The following LRRTM4 variants were observed in gnomAD, a reference collection of about 807,000 sequenced individuals.
The protein encoded by LRRTM4 is leucine-rich repeat transmembrane neuronal protein 4.
A neutral mutation model predicts 47.6 loss-of-function variants in LRRTM4; 25 were observed. The observed-to-expected ratio is 0.53, with a 90% CI of 0.38 to 0.73. The LOEUF (loss-of-function observed/expected upper bound fraction) is 0.73, where lower values mean the gene tolerates loss of function less well. Among genes scored for constraint, LRRTM4 ranks in the 30% least tolerant of loss-of-function variants. The pLI is 0.00. For missense variants in LRRTM4, 638 were observed against 713.4 expected (o/e 0.89, Z 1.20); for synonymous variants, 311 against 269.5 (o/e 1.15, Z -1.51).
intron 3 of LRRTM4, among the ~76,000 whole-genome samples, chr2:76,882,426 T>C (rs1057387045): frequency 1.3e-5 from 2 of 152,016 alleles, no homozygotes; most frequent in Non-Finnish European, 2.9e-5. Context: ...GCACGGTGGC[T>C]CACATCTGTA....
chr2:76,927,356 G>T (rs1674620288), intron 3 of LRRTM4, among the ~76,000 whole-genome samples: 1 of 152,080 alleles, frequency 6.6e-6, no homozygotes, highest in Non-Finnish European at 1.5e-5. Context: ...GGATTAAAAA[G>T]CCTCTAAAGG....
chr2:77,351,826 T>G (rs1016166734), intron 3 of LRRTM4, among the ~76,000 whole-genome samples: 1 of 151,964 alleles, frequency 6.6e-6, no homozygotes, highest in African/African-American at 2.4e-5. Flanking sequence ...CAAACATTTT[T>G]TTCCTGTGTG....
In LRRTM4 at chr2:77,519,245, C is replaced by G. The variant is rs1679374221; in HGVS notation, c.624G>C (p.Lys208Asn). The stretch of plus-strand genomic sequence containing the variant: ...ACTGGTTGTGCTCCAGGTGGAGCTC[C>G]TTTAACTTCAAGAGGCCAGCAAATG... ...RNAFAGLLKL[K>N]ELHLEHNQFS... The change falls in exon 3 of 4, where the codon AAG (lysine) becomes AAC (asparagine). Residue 208 changes from lysine (K) to asparagine (N), a missense_variant. Coordinates refer to ENST00000409884, the MANE Select transcript of LRRTM4 (RefSeq NM_001134745.3). The surrounding 1 kb of genome is among the most constrained non-coding windows in gnomAD (Gnocchi z 4.6). 9 of 1,613,308 alleles carry G rather than the reference C, an allele frequency of 5.6e-6. No homozygotes were observed. In the East Asian group the frequency reaches 2.0e-4, roughly 36 times the overall value.
chr2:76,870,471 AC>A (rs377711722), intron 3 of LRRTM4, among the ~76,000 whole-genome samples: 3 of 152,236 alleles, frequency 2.0e-5, no homozygotes, highest in East Asian at 1.9e-4. Context: ...AGGAAAAAAA[AC>A]CACATTTTTT....
chr2:77,315,734 T>C (rs1232606167), intron 3 of LRRTM4, among the ~76,000 whole-genome samples: 1 of 152,106 alleles, frequency 6.6e-6, no homozygotes, highest in East Asian at 1.9e-4. Context: ...TTTTAAAGCC[T>C]CTTGCCAGTT....
At chr2:76,927,632 C>A (rs1353826059) in intron 3 of LRRTM4, among the ~76,000 whole-genome samples, 1 of 152,028 alleles carries the variant, frequency 6.6e-6, no homozygotes, top group Non-Finnish European at 1.5e-5. Context: ...CTCTTGCAGC[C>A]AATGGAATCC....
chr2:77,173,401 T>C (rs1673108649), intron 3 of LRRTM4, among the ~76,000 whole-genome samples: 1 of 152,186 alleles, frequency 6.6e-6, no homozygotes. Flanking sequence ...TCATAGGATC[T>C]GACTCTCATT....
At chr2:76,809,518 A>G (rs1023311740) in intron 3 of LRRTM4, among the ~76,000 whole-genome samples, 4 of 152,140 alleles carry the variant, frequency 2.6e-5, no homozygotes, top group Admixed American at 1.3e-4. Flanking sequence ...TGTAACCTAC[A>G]TACTTCCTAC....
intron 3 of LRRTM4, among the ~76,000 whole-genome samples, chr2:76,847,569 T>G (rs1486112945): frequency 6.6e-6 from 1 of 152,026 alleles, no homozygotes; most frequent in Non-Finnish European, 1.5e-5. Context: ...AACACTTATT[T>G]TAGTTTTTCT....
chr2:77,035,469 C>A (rs1341959644), intron 3 of LRRTM4, among the ~76,000 whole-genome samples: 1 of 151,764 alleles, frequency 6.6e-6, no homozygotes, highest in African/African-American at 2.4e-5. Context: ...TTCCCCACAC[C>A]TTCATAACCT....
intron 3 of LRRTM4, among the ~76,000 whole-genome samples, chr2:76,812,147 C>T (rs1670753124): frequency 6.6e-6 from 1 of 152,186 alleles, no homozygotes; most frequent in South Asian, 2.1e-4. Context: ...ATAATAAACA[C>T]AGCTAGTGGA....
intron 3 of LRRTM4, among the ~76,000 whole-genome samples, chr2:77,437,340 A>G (rs1040651299): frequency 2.0e-5 from 3 of 152,086 alleles, no homozygotes; most frequent in Non-Finnish European, 2.9e-5. Context: ...TTATACAGAG[A>G]TTCAACCCTC....
chr2:76,856,329 G>C (rs535829655), intron 3 of LRRTM4, among the ~76,000 whole-genome samples: 1 of 151,962 alleles, frequency 6.6e-6, no homozygotes, highest in Non-Finnish European at 1.5e-5. Flanking sequence ...AAAAAAGAAG[G>C]GTATTTTTAT....
chr2:76,847,125 G>A (rs1517776), intron 3 of LRRTM4, among the ~76,000 whole-genome samples: 40,485 of 151,840 alleles, frequency 0.27, 5,568 homozygotes, highest in Admixed American at 0.33. Context: ...CAAAAAATAC[G>A]AAAAAGGAAT....
intron 3 of LRRTM4, among the ~76,000 whole-genome samples, chr2:76,974,207 T>TACATATATATATATAC (rs1390127604): frequency 1.2e-5 from 1 of 83,032 alleles, no homozygotes; most frequent in Admixed American, 1.1e-4. Context: ...CATATATATA[T>TACATATATATATATAC]ATACACATAT....
At chr2:77,438,573 A>AT (rs1389253213) in intron 3 of LRRTM4, among the ~76,000 whole-genome samples, 1 of 151,648 alleles carries the variant, frequency 6.6e-6, no homozygotes, top group Admixed American at 6.6e-5. Flanking sequence ...CTCCAGGCTG[A>AT]TTTTTTATAT....
At chr2:77,510,010 A>AT (rs1467223443) in intron 3 of LRRTM4, among the ~76,000 whole-genome samples, 1 of 152,096 alleles carries the variant, frequency 6.6e-6, no homozygotes, top group East Asian at 1.9e-4. Flanking sequence ...AGAAAATATC[A>AT]TTTTTTCATC....
chr2:77,217,866 G>A (rs1483575912), intron 3 of LRRTM4, among the ~76,000 whole-genome samples: 1 of 152,144 alleles, frequency 6.6e-6, no homozygotes, highest in East Asian at 1.9e-4. Flanking sequence ...TAAACACAAT[G>A]TGTATGTTAT....
intron 3 of LRRTM4, among the ~76,000 whole-genome samples, chr2:76,876,133 G>A (rs944878443): frequency 6.6e-6 from 1 of 151,976 alleles, no homozygotes; most frequent in Admixed American, 6.6e-5. Context: ...AAAGAACATA[G>A]TATGCCTAAC....
Sources: allele counts gnomAD v4.1 joint callset (sites outside exome capture counted in the v4.1 genomes callset), GRCh38; gene constraint gnomAD v4.1.1; non-coding constraint Gnocchi (gnomAD v3.1); transcripts MANE v1.5; gene names NCBI Gene and HGNC (gene_info 2026-07-23, HGNC 2026-07-21).